MYO5B: variants seen among roughly 807,000 people sequenced by gnomAD.
The protein encoded by MYO5B is myosin VB.
Under a neutral mutation model 229.3 loss-of-function variants are expected in MYO5B, and 143 were observed. That is an observed-to-expected ratio of 0.62 (90% CI 0.54 to 0.72). The LOEUF (loss-of-function observed/expected upper bound fraction) is 0.72, where lower values mean the gene tolerates loss of function less well. MYO5B is among the 30% of genes least tolerant of loss of function. The pLI is 0.00. For missense variants in MYO5B, 2,321 were observed against 2,331.0 expected (o/e 1.00, Z 0.09); for synonymous variants, 918 against 885.2 (o/e 1.04, Z -0.66).
chr18:49,832,432 A>G (rs1363059051), intron 39 of MYO5B, among the ~76,000 whole-genome samples: 1 of 152,264 alleles, frequency 6.6e-6, no homozygotes, highest in Non-Finnish European at 1.5e-5. Flanking sequence ...ACAAAAGTCA[A>G]TAGGGTTAAC....
intron 2 of MYO5B, among the ~76,000 whole-genome samples, chr18:50,045,214 T>G (rs2055842947): frequency 6.6e-6 from 1 of 152,128 alleles, no homozygotes; most frequent in South Asian, 2.1e-4. Context: ...TGTAAGCAAT[T>G]TGTGAGGAAA....
intron 1 of MYO5B, among the ~76,000 whole-genome samples, chr18:50,056,544 T>G (rs2030554764): frequency 6.6e-6 from 1 of 152,190 alleles, no homozygotes; most frequent in Non-Finnish European, 1.5e-5. Flanking sequence ...GGCCATAGAA[T>G]ATTATCAGGA....
chr18:50,193,300 C>A (rs1010405407), intron 1 of MYO5B, among the ~76,000 whole-genome samples: 2 of 152,244 alleles, frequency 1.3e-5, no homozygotes, highest in Admixed American at 6.5e-5. Flanking sequence ...CAGAGGCCGT[C>A]GCCCATCCCT....
chr18:50,096,861 T>C (rs544813891), intron 1 of MYO5B, among the ~76,000 whole-genome samples: 1 of 152,328 alleles, frequency 6.6e-6, no homozygotes, highest in African/African-American at 2.4e-5. Context: ...TGCTGGCTCC[T>C]CAGCATGGCT....
chr18:50,141,714 C>G (rs896650036), intron 1 of MYO5B, among the ~76,000 whole-genome samples: 40 of 152,156 alleles, frequency 2.6e-4, no homozygotes, highest in Non-Finnish European at 1.2e-4. Flanking sequence ...AAGGCAAGAC[C>G]CCTTTGTGGG....
intron 4 of MYO5B, among the ~76,000 whole-genome samples, chr18:50,018,959 A>G (rs1278112063): frequency 6.6e-6 from 1 of 152,220 alleles, no homozygotes; most frequent in East Asian, 1.9e-4. Context: ...AGCTGGGATG[A>G]AGATCTATTC....
intron 17 of MYO5B, among the ~76,000 whole-genome samples, chr18:49,924,653 G>A (rs770974328): frequency 6.6e-6 from 1 of 152,186 alleles, no homozygotes; most frequent in African/African-American, 2.4e-5. Context: ...ATAAACCTTT[G>A]CTGGGATGGT....
rs1361969715 is a variant in MYO5B at position 49,929,580 on chromosome 18, T to G, written c.2022A>C (p.Ala674=). The change falls in exon 17 of 40, where the codon GCA becomes GCC. Residue 674 remains alanine, a synonymous_variant. Transcript: ENST00000285039. ...KLPFHFDPKR[A]VQQLRACGVL... is the part of the protein sequence containing the mutation. ...CCCCGCAGGCTCTGAGTTGCTGCAC[T>G]GCTCTCTTTGGGTCAAAGCTGCCAA... 2 of 1,598,166 alleles carry G rather than the reference T, an allele frequency of 1.3e-6. No individual in the cohort carries two copies.
At chr18:50,076,512 G>A (rs116830981) in intron 1 of MYO5B, among the ~76,000 whole-genome samples, 1,964 of 152,252 alleles carry the variant, frequency 0.013, 35 homozygotes, top group African/African-American at 0.045. Flanking sequence ...TTCAGAGCAC[G>A]GAATATGTCA....
intron 1 of MYO5B, among the ~76,000 whole-genome samples, chr18:50,184,569 A>G (rs2033120285): frequency 6.6e-6 from 1 of 152,200 alleles, no homozygotes; most frequent in Admixed American, 6.5e-5. Context: ...GCTAACATGT[A>G]GTGCTGAGAA....
At chr18:50,045,586 G>T (rs370823227) in intron 2 of MYO5B, among the ~76,000 whole-genome samples, 2 of 152,138 alleles carry the variant, frequency 1.3e-5, no homozygotes, top group South Asian at 4.1e-4. Context: ...TAGAGACAGG[G>T]TTTCACCATG....
In MYO5B at chr18:49,823,312, A is replaced by T. The variant is rs1370095547; in HGVS notation, c.*3159T>A. On this transcript the variant is annotated 3_prime_UTR_variant, in exon 40 of 40. Transcript: ENST00000285039. ...TGCAGCAAATTAATTGGAGAAACTG[A>T]CCACAAATATTCTGTGAAGAACTAC... 1 of 152,264 alleles carries T rather than the reference A, an allele frequency of 6.6e-6. No homozygotes were observed. The highest frequency in any genetic ancestry group is 2.4e-5 in the African/African-American group (1 of 41,484). The allele number at this position is 152,264 out of a possible 1,614,324, so 9.4% of individuals were successfully genotyped here. A position where few individuals can be genotyped will look rare whatever the true frequency, so the allele number is the denominator to read the frequency against.
intron 17 of MYO5B, among the ~76,000 whole-genome samples, chr18:49,921,090 GCA>G (rs2025069503): frequency 6.6e-6 from 1 of 152,152 alleles, no homozygotes; most frequent in Non-Finnish European, 1.5e-5. Flanking sequence ...GGGAGAGGAA[GCA>G]GGCCGCTTCT....
At chr18:50,085,170 C>T (rs1386161342) in intron 1 of MYO5B, among the ~76,000 whole-genome samples, 2 of 152,238 alleles carry the variant, frequency 1.3e-5, no homozygotes, top group East Asian at 3.9e-4. Context: ...ACTTATCTGA[C>T]AAAGGGCTAA....
intron 20 of MYO5B, among the ~76,000 whole-genome samples, 171 bp from the exon 21 acceptor site, chr18:49,903,004 A>T (rs2024860869): frequency 6.6e-6 from 1 of 152,172 alleles, no homozygotes; most frequent in Non-Finnish European, 1.5e-5. Context: ...TTTATAACAC[A>T]TTTCAGCGAG....
intron 14 of MYO5B, among the ~76,000 whole-genome samples, chr18:49,943,948 G>T (rs149520734): frequency 6.6e-6 from 1 of 152,144 alleles, no homozygotes; most frequent in African/African-American, 2.4e-5. Context: ...GTTATGGGGT[G>T]GAAGTAATGG....
At position 49,849,548 on chromosome 18, in the gene MYO5B, C is replaced by A. The variant is rs758411477; in HGVS notation, c.4315+19G>T. On this transcript the variant is annotated intron_variant, in intron 32 of 39. Transcript: ENST00000285039. ...GTATACCTGTGATTCACAAAACACA[C>A]TCACTCACACCCCCCTACCTTCTAG... 6.4e-7 allele frequency: 1 copy of A among 1,571,214 alleles called. No individual in the cohort carries two copies. The highest frequency in any genetic ancestry group is 1.1e-5 in the South Asian group (1 of 90,290).
At chr18:49,915,393 G>C (rs1444802778) in intron 17 of MYO5B, among the ~76,000 whole-genome samples, 1 of 152,108 alleles carries the variant, frequency 6.6e-6, no homozygotes, top group Non-Finnish European at 1.5e-5. Flanking sequence ...TGGCACAAGG[G>C]AACAAGAGCC....
At chr18:49,978,704 C>T (rs1223081484) in intron 9 of MYO5B, among the ~76,000 whole-genome samples, 1 of 13,578 alleles carries the variant, frequency 7.4e-5, no homozygotes, top group Non-Finnish European at 1.9e-4. Context: ...TACACACACA[C>T]ACACACACAC....
Sources: allele counts gnomAD v4.1 joint callset (sites outside exome capture counted in the v4.1 genomes callset), GRCh38; gene constraint gnomAD v4.1.1; transcripts MANE v1.5; gene names NCBI Gene and HGNC (gene_info 2026-07-23, HGNC 2026-07-21).